Variants in BBX observed in about 807,000 individuals in gnomAD.
BBX encodes the protein HMG box transcription factor BBX.
Under a neutral mutation model 100.2 loss-of-function variants are expected in BBX, and 30 were observed. That is an observed-to-expected ratio of 0.30 (90% CI 0.22 to 0.41). The LOEUF is 0.41. Ranked by LOEUF, BBX falls within the 10% of genes least tolerant of loss-of-function variation. The probability of loss-of-function intolerance (pLI) is 1.00; values close to 1 mark genes in which losing one functional copy is unlikely to be tolerated. For synonymous variants in BBX, 376 were observed against 388.1 expected (o/e 0.97, Z 0.37); for missense variants, 1,023 against 1,129.8 (o/e 0.91, Z 1.35).
At chr3:107,681,535 T>C (rs1027450279) in intron 3 of BBX, among the ~76,000 whole-genome samples, 2 of 151,954 alleles carry the variant, frequency 1.3e-5, no homozygotes, top group South Asian at 4.2e-4. Flanking sequence ...AGCCTAGATA[T>C]ATGTTAACTC....
At chr3:107,694,635 A>G (rs2060444081) in intron 3 of BBX, among the ~76,000 whole-genome samples, 1 of 149,138 alleles carries the variant, frequency 6.7e-6, no homozygotes, top group African/African-American at 2.5e-5. Flanking sequence ...ATGTTCATCA[A>G]GGATATTGGT....
At chr3:107,624,279 C>T (rs2056000507) in intron 2 of BBX, among the ~76,000 whole-genome samples, 1 of 152,310 alleles carries the variant, frequency 6.6e-6, no homozygotes, top group South Asian at 2.1e-4. Flanking sequence ...TTACATAAAA[C>T]AAGGCATTTA....
At chr3:107,662,695 T>C (rs1308673835) in intron 3 of BBX, 1 of 151,332 alleles carries the variant, frequency 6.6e-6, no homozygotes, top group Non-Finnish European at 1.5e-5. Flanking sequence ...GTTGTATTTT[T>C]AGACGGTCCT....
At chr3:107,707,084 C>T (rs1235598264) in intron 3 of BBX, among the ~76,000 whole-genome samples, 1 of 152,154 alleles carries the variant, frequency 6.6e-6, no homozygotes, top group Non-Finnish European at 1.5e-5. Context: ...AGATCAATTA[C>T]AGTACATTTT....
intron 2 of BBX, among the ~76,000 whole-genome samples, chr3:107,617,150 C>CT (rs1440738674): frequency 6.6e-6 from 1 of 152,144 alleles, no homozygotes; most frequent in African/African-American, 2.4e-5. Context: ...AAAGGCTATC[C>CT]TTCCTCCATT....
rs2047470067 is a variant in BBX at position 107,523,045 on chromosome 3, A to G, written c.-218A>G. The G allele has an allele frequency of 6.5e-6, 1 of 154,304 alleles. No homozygotes were observed. The highest frequency in any genetic ancestry group is 1.4e-5 in the Non-Finnish European group (1 of 69,182). The allele number at this position is 154,304 out of a possible 1,614,324, so 9.6% of individuals were successfully genotyped here. ...AGCTTCTCTCCACTTTCCCATAGAG[A>G]AACCCTGACTGGCCGCTGAGGGCTA... On this transcript the variant is annotated 5_prime_UTR_variant, in exon 1 of 18. Transcript: ENST00000325805.
At chr3:107,761,732 G>C (rs540352698) in intron 10 of BBX, among the ~76,000 whole-genome samples, 1 of 152,244 alleles carries the variant, frequency 6.6e-6, no homozygotes, top group East Asian at 1.9e-4. Flanking sequence ...TAATAGAAGA[G>C]TGGAAAAAGG....
intron 15 of BBX, among the ~76,000 whole-genome samples, chr3:107,794,687 T>C (rs981809087): frequency 2.0e-5 from 3 of 152,234 alleles, no homozygotes; most frequent in African/African-American, 7.2e-5. Flanking sequence ...ATTCAGCATC[T>C]GACTGCTGTT....
chr3:107,584,756 A>C (rs1416450706), intron 2 of BBX, among the ~76,000 whole-genome samples: 1 of 123,852 alleles, frequency 8.1e-6, no homozygotes, highest in African/African-American at 3.2e-5. Context: ...CAGTGGCACG[A>C]TCTCAGCTCA....
At chr3:107,696,661 T>C (rs1439242039) in intron 3 of BBX, among the ~76,000 whole-genome samples, 1 of 151,852 alleles carries the variant, frequency 6.6e-6, no homozygotes, top group Non-Finnish European at 1.5e-5. Context: ...TTGGTGAATC[T>C]GACAGTTGTG....
chr3:107,522,986 G>A lies in BBX; in HGVS notation c.-277G>A, dbSNP rs1255247354. On this transcript the variant is annotated 5_prime_UTR_variant, in exon 1 of 18. The change creates a new upstream start codon in the 5' untranslated region. Coordinates refer to ENST00000325805, the MANE Select transcript of BBX (RefSeq NM_001142568.3). ...GGTTGCATGTACTGTATGTGGAGCAGTGTACAGTGAAGCGGAGGCAGAGCG... is the reference window on the plus strand; with the variant it reads ...GGTTGCATGTACTGTATGTGGAGCAATGTACAGTGAAGCGGAGGCAGAGCG... 6.5e-6 allele frequency: 1 copy of A among 153,124 alleles called. No individual in the cohort carries two copies. The highest frequency in any genetic ancestry group is 1.5e-5 in the Non-Finnish European group (1 of 68,532). 9.5% of individuals were successfully genotyped at this position (153,124 alleles called of 1,614,324 possible).
chr3:107,677,847 G>A (rs1283906176), intron 3 of BBX, among the ~76,000 whole-genome samples: 1 of 152,050 alleles, frequency 6.6e-6, no homozygotes, highest in East Asian at 1.9e-4. Context: ...TAGCCTATTA[G>A]TATTTTTAAA....
intron 3 of BBX, among the ~76,000 whole-genome samples, chr3:107,648,021 G>A (rs1466091569): frequency 6.6e-6 from 1 of 152,208 alleles, no homozygotes; most frequent in African/African-American, 2.4e-5. Context: ...TGAGAGAGTG[G>A]CCTTGTAAGA....
At chr3:107,795,117 A>T (rs543329414) in intron 15 of BBX, among the ~76,000 whole-genome samples, 23 of 152,272 alleles carry the variant, frequency 1.5e-4, no homozygotes, top group African/African-American at 5.3e-4. Context: ...CTTTTCTTAC[A>T]TTTCCATTAG....
intron 2 of BBX, among the ~76,000 whole-genome samples, chr3:107,588,671 G>T (rs1351916262): frequency 1.3e-5 from 2 of 152,110 alleles, no homozygotes; most frequent in Non-Finnish European, 2.9e-5. Flanking sequence ...TGGCCATTAA[G>T]ATTCTGTTCA....
intron 7 of BBX, among the ~76,000 whole-genome samples, chr3:107,737,700 T>C (rs778506455): frequency 1.3e-5 from 2 of 152,148 alleles, no homozygotes; most frequent in Non-Finnish European, 2.9e-5. Flanking sequence ...TTTTTAGATA[T>C]AGCAAATTCT....
intron 3 of BBX, among the ~76,000 whole-genome samples, chr3:107,678,732 G>GA (rs1288697308): frequency 6.6e-6 from 1 of 150,804 alleles, no homozygotes; most frequent in Non-Finnish European, 1.5e-5. Context: ...TTCTCAAGAA[G>GA]AAAAAAAAAG....
At chr3:107,737,304 C>G (rs73850145) in intron 7 of BBX, among the ~76,000 whole-genome samples, 50 of 142,812 alleles carry the variant, frequency 3.5e-4, no homozygotes, top group African/African-American at 1.3e-3. Flanking sequence ...TACATACACA[C>G]AGAGAGAGAG....
chr3:107,743,923 T>G (rs1437772705), intron 7 of BBX, among the ~76,000 whole-genome samples: 12 of 115,484 alleles, frequency 1.0e-4, no homozygotes, highest in Non-Finnish European at 2.0e-4. Flanking sequence ...TAGTGGTTTT[T>G]TTTTTTTTTT....
Sources: gnomAD v4.1 joint callset for allele counts (sites outside exome capture counted in the v4.1 genomes callset) on GRCh38, gnomAD v4.1.1 for gene constraint, MANE v1.5 for transcripts, NCBI Gene and HGNC (gene_info 2026-07-23, HGNC 2026-07-21) for gene names.